CCDC171: variants seen among roughly 807,000 people sequenced by gnomAD.
The protein encoded by CCDC171 is coiled-coil domain containing 171, also known as coiled-coil domain-containing protein 171.
In CCDC171, 177 loss-of-function variants were observed where a neutral mutation model predicts 168.2. That is an observed-to-expected ratio of 1.05 (90% confidence interval 0.93 to 1.19). CCDC171 has a LOEUF of 1.19. Ranked by LOEUF, CCDC171 falls within the 50% of genes most tolerant of loss-of-function variation. The probability of loss-of-function intolerance (pLI) is 0.00; values close to 1 mark genes in which losing one functional copy is unlikely to be tolerated. For synonymous variants in CCDC171, 687 were observed against 540.8 expected (o/e 1.27, Z -3.75); for missense variants, 1,991 against 1,539.0 (o/e 1.29, Z -4.91).
intron 7 of CCDC171, among the ~76,000 whole-genome samples, chr9:15,633,679 T>C (rs2045948770): frequency 6.6e-6 from 1 of 152,198 alleles, no homozygotes; most frequent in Non-Finnish European, 1.5e-5. Context: ...ACTGGGTATA[T>C]ACCGAAAGGA....
intron 2 of CCDC171, among the ~76,000 whole-genome samples, chr9:15,564,601 A>T (rs552219376): frequency 9.8e-5 from 15 of 152,286 alleles, no homozygotes; most frequent in Admixed American, 5.2e-4. Flanking sequence ...TCAAGACGTA[A>T]CGCCTAATTG....
chr9:16,080,157 G>A, the CCDC171 span, among the ~76,000 whole-genome samples: 3 of 152,080 alleles, frequency 2.0e-5, no homozygotes, highest in Non-Finnish European at 4.4e-5. Context: ...ACCCTCTCAG[G>A]CACTCTCCAC....
chr9:15,663,138 G>A (rs910093661), intron 8 of CCDC171, among the ~76,000 whole-genome samples: 1 of 152,108 alleles, frequency 6.6e-6, no homozygotes, highest in East Asian at 1.9e-4. Flanking sequence ...TTAGTAATAC[G>A]CCCAAAGTCG....
At chr9:15,960,918 G>A (rs2068902243) in intron 25 of CCDC171, among the ~76,000 whole-genome samples, 1 of 152,126 alleles carries the variant, frequency 6.6e-6, no homozygotes, top group South Asian at 2.1e-4. Context: ...AAGGCAGCTT[G>A]CAGCATTCCA....
intron 4 of CCDC171, among the ~76,000 whole-genome samples, chr9:15,583,746 C>T (rs1040012061): frequency 1.3e-5 from 2 of 151,704 alleles, no homozygotes; most frequent in Non-Finnish European, 2.9e-5. Context: ...TGCCTGCAAC[C>T]GAACACCATC....
intron 18 of CCDC171, among the ~76,000 whole-genome samples, chr9:15,773,082 A>C (rs963197603): frequency 1.3e-5 from 2 of 152,090 alleles, no homozygotes; most frequent in African/African-American, 4.8e-5. Context: ...ACTAATTATT[A>C]CCTTTTTTGG....
intron 21 of CCDC171, among the ~76,000 whole-genome samples, chr9:15,804,292 C>G (rs1472666110): frequency 6.6e-6 from 1 of 152,082 alleles, no homozygotes; most frequent in Non-Finnish European, 1.5e-5. Flanking sequence ...TGAGAGAAGG[C>G]AACCTTGTCT....
At chr9:15,711,756 C>T (rs1452624975) in intron 11 of CCDC171, among the ~76,000 whole-genome samples, 2 of 152,206 alleles carry the variant, frequency 1.3e-5, no homozygotes, top group Non-Finnish European at 2.9e-5. Context: ...TGCTTTGGCA[C>T]TATTGTAAAG....
chr9:15,590,012 A>G (rs1159504549), intron 4 of CCDC171, among the ~76,000 whole-genome samples: 1 of 152,230 alleles, frequency 6.6e-6, no homozygotes, highest in Non-Finnish European at 1.5e-5. Flanking sequence ...TATGGAAAGA[A>G]GTAGACCTAC....
chr9:16,092,542 T>C, the CCDC171 span, among the ~76,000 whole-genome samples: 66,803 of 151,984 alleles, frequency 0.44, 15,737 homozygotes, highest in African/African-American at 0.61. Context: ...AGACATTTGC[T>C]AACAGAGGTT....
chr9:16,081,001 C>T, the CCDC171 span, among the ~76,000 whole-genome samples: 9 of 152,116 alleles, frequency 5.9e-5, no homozygotes, highest in African/African-American at 1.9e-4. Context: ...GTCTCTCTTG[C>T]GGAACTTAGA....
At position 15,666,154 on chromosome 9, in the gene CCDC171, G is replaced by C; in HGVS notation, c.916-9G>C. ...AGCTTGATTTAATTACTTGTCTGTC[G>C]TCCGGTAGTTACGGATTCGAGACCT... On this transcript the variant is annotated splice_polypyrimidine_tract_variant and intron_variant, in intron 8 of 25. Coordinates refer to ENST00000380701, the MANE Select transcript of CCDC171 (RefSeq NM_173550.4). The C allele has an allele frequency of 6.2e-7, 1 of 1,612,022 alleles. No individual in the cohort carries two copies. The highest frequency in any genetic ancestry group is 8.5e-7 in the Non-Finnish European group (1 of 1,179,026).
At chr9:15,601,623 C>T (rs914818430) in intron 6 of CCDC171, among the ~76,000 whole-genome samples, 7 of 152,082 alleles carry the variant, frequency 4.6e-5, no homozygotes, top group African/African-American at 1.7e-4. Context: ...TATTTCAGCG[C>T]AGAGACATGT....
At chr9:15,646,858 C>A (rs951025208) in intron 7 of CCDC171, among the ~76,000 whole-genome samples, 4 of 152,162 alleles carry the variant, frequency 2.6e-5, no homozygotes, top group Non-Finnish European at 4.4e-5. Context: ...AGAAAGTTAA[C>A]AAGGATATCC....
chr9:15,981,832 A>G (rs1214011910), intron 3 of CCDC171, among the ~76,000 whole-genome samples: 1 of 152,146 alleles, frequency 6.6e-6, no homozygotes, highest in Non-Finnish European at 1.5e-5. Context: ...TACAGATTAA[A>G]TGGCTAGGGT....
At chr9:16,063,469 G>A (rs115267547), downstream of CCDC171, among the ~76,000 whole-genome samples, 2,409 of 152,288 alleles carry the variant, frequency 0.016, 53 homozygotes, top group African/African-American at 0.053. Flanking sequence ...GCAATTCACT[G>A]TCTTCATTTT....
At chr9:15,763,015 A>G (rs1362031937) in intron 18 of CCDC171, among the ~76,000 whole-genome samples, 1 of 152,228 alleles carries the variant, frequency 6.6e-6, no homozygotes, top group Non-Finnish European at 1.5e-5. Context: ...CTAGCTGGCT[A>G]CAAATTCGTG....
At chr9:15,892,672 C>G (rs888611367) in intron 24 of CCDC171, among the ~76,000 whole-genome samples, 1 of 151,998 alleles carries the variant, frequency 6.6e-6, no homozygotes, top group African/African-American at 2.4e-5. Flanking sequence ...GAATGAATTT[C>G]CATTCACAGT....
intron 16 of CCDC171, among the ~76,000 whole-genome samples, chr9:15,739,225 A>C (rs1251319342): frequency 1.3e-5 from 2 of 152,226 alleles, no homozygotes; most frequent in African/African-American, 4.8e-5. Flanking sequence ...TTAGTATTCA[A>C]ATAGTGTTAG....
Sources: gnomAD v4.1 joint callset for allele counts (sites outside exome capture counted in the v4.1 genomes callset) on GRCh38, gnomAD v4.1.1 for gene constraint, MANE v1.5 for transcripts, NCBI Gene and HGNC (gene_info 2026-07-23, HGNC 2026-07-21) for gene names.